Variants in RHOJ observed in about 807,000 individuals in gnomAD.
RHOJ encodes the protein ras homolog family member J, also known as rho-related GTP-binding protein RhoJ.
A neutral mutation model predicts 23.4 loss-of-function variants in RHOJ; 11 were observed. The observed-to-expected ratio is 0.47, with a 90% CI of 0.30 to 0.78. The LOEUF (loss-of-function observed/expected upper bound fraction) is 0.78. Ranked by LOEUF, RHOJ falls within the 30% of genes least tolerant of loss-of-function variation. The pLI, the probability that RHOJ is intolerant of heterozygous loss-of-function variation, is 0.08. For synonymous variants in RHOJ, 102 were observed against 102.7 expected, an observed-to-expected ratio of 0.99 and a Z score of 0.04; for missense variants, 254 against 273.4, an observed-to-expected ratio of 0.93 and a Z score of 0.50.
intron 3 of RHOJ, among the ~76,000 whole-genome samples, chr14:63,282,115 A>G (rs1881922685): frequency 6.6e-6 from 1 of 152,214 alleles, no homozygotes. Flanking sequence ...TCGTTTGTTT[A>G]AATGAAGTCT....
rs764610255 is a variant in RHOJ, at chr14:63,281,088, C to T, written c.355C>T (p.Leu119Phe). 1.9e-6 allele frequency: 3 copies of T among 1,614,082 alleles called. No homozygotes were observed. The highest frequency in any genetic ancestry group is 2.5e-6 in the Non-Finnish European group (3 of 1,179,984). ...HNVQEEWVPE[L>F]KDCMPHVPYV... ...TGTCCAGGAGGAATGGGTCCCCGAG[C>T]TCAAGGACTGCATGCCTCACGTGCC... Residue 119 changes from leucine (L) to phenylalanine (F), a missense_variant, in exon 3 of 5, where the codon CTC becomes TTC. Coordinates refer to ENST00000316754, the MANE Select transcript of RHOJ (RefSeq NM_020663.5).
chr14:63,274,191 T>G (rs1357345967), intron 2 of RHOJ, among the ~76,000 whole-genome samples: 5 of 152,212 alleles, frequency 3.3e-5, no homozygotes, highest in Admixed American at 3.3e-4. Context: ...TATTGGCTGA[T>G]CCAATGGGGC....
At chr14:63,221,828 A>T (rs966982462) in intron 1 of RHOJ, among the ~76,000 whole-genome samples, 2 of 150,184 alleles carry the variant, frequency 1.3e-5, no homozygotes, top group African/African-American at 4.9e-5. Context: ...AGAATGCAAC[A>T]TTTTTTTTTT....
At chr14:63,263,915 G>A (rs962690782) in intron 1 of RHOJ, among the ~76,000 whole-genome samples, 1 of 151,820 alleles carries the variant, frequency 6.6e-6, no homozygotes, top group Non-Finnish European at 1.5e-5. Flanking sequence ...CTCCCCCAGT[G>A]CACCCTGGGT....
intron 1 of RHOJ, among the ~76,000 whole-genome samples, chr14:63,217,907 C>A (rs1467422): frequency 1.3e-4 from 20 of 152,096 alleles, no homozygotes; most frequent in Non-Finnish European, 1.5e-5. Context: ...CTTGTCGACA[C>A]GATTACTTGC....
At chr14:63,254,339 A>G (rs376105809) in intron 1 of RHOJ, among the ~76,000 whole-genome samples, 16 of 152,202 alleles carry the variant, frequency 1.1e-4, no homozygotes, top group African/African-American at 3.4e-4. Flanking sequence ...GGAAAGCTAC[A>G]AGACTCCACA....
chr14:63,221,982 C>T (rs1204869888), intron 1 of RHOJ, among the ~76,000 whole-genome samples: 1 of 111,878 alleles, frequency 8.9e-6, no homozygotes, highest in Non-Finnish European at 1.7e-5. Flanking sequence ...CCTCCCCCCA[C>T]CCAAAAACAG....
intron 1 of RHOJ, among the ~76,000 whole-genome samples, chr14:63,219,406 A>T (rs1957784): frequency 0.034 from 5,181 of 151,680 alleles, 149 homozygotes; most frequent in African/African-American, 0.079. Context: ...TTTTCATTTC[A>T]TGGTTGTTAA....
intron 1 of RHOJ, among the ~76,000 whole-genome samples, chr14:63,221,575 T>C (rs1197215537): frequency 2.0e-5 from 3 of 152,224 alleles, no homozygotes; most frequent in African/African-American, 7.2e-5. Context: ...ACAAAACGGA[T>C]TCCCCAGTGA....
At chr14:63,275,947 C>T (rs151019403) in intron 2 of RHOJ, among the ~76,000 whole-genome samples, 84 of 152,294 alleles carry the variant, frequency 5.5e-4, no homozygotes, top group South Asian at 1.0e-3. Context: ...TAATCCTGAC[C>T]CCTTTACCAT....
intron 1 of RHOJ, among the ~76,000 whole-genome samples, chr14:63,267,549 T>C (rs1895390008): frequency 6.6e-6 from 1 of 152,206 alleles, no homozygotes; most frequent in Non-Finnish European, 1.5e-5. Context: ...GCCTAATCCA[T>C]GACAACTTAG....
intron 1 of RHOJ, among the ~76,000 whole-genome samples, chr14:63,211,050 A>G (rs1044107840): frequency 6.6e-6 from 1 of 152,230 alleles, no homozygotes; most frequent in Non-Finnish European, 1.5e-5. Flanking sequence ...GCTGATTGAG[A>G]TGTAAAAGGA....
intron 1 of RHOJ, among the ~76,000 whole-genome samples, chr14:63,210,774 G>T (rs1165827994): frequency 1.3e-5 from 2 of 152,224 alleles, no homozygotes; most frequent in Non-Finnish European, 1.5e-5. Context: ...GAGTTAGATT[G>T]TGTACATGGT....
intron 4 of RHOJ, 59 bp downstream of exon 4, chr14:63,283,275 C>A: frequency 7.2e-7 from 1 of 1,385,898 alleles, no homozygotes; most frequent in Non-Finnish European, 1.0e-6. Flanking sequence ...GTGTTGTATG[C>A]TTTGGAAATG....
At chr14:63,288,326 G>C in intron 4 of RHOJ, 1 of 985,428 alleles carries the variant, frequency 1.0e-6, no homozygotes, top group Non-Finnish European at 1.2e-6. Flanking sequence ...AGGTGTGAGT[G>C]AGCTCAGCCC....
chr14:63,225,408 A>G (rs1170851845), intron 1 of RHOJ, among the ~76,000 whole-genome samples: 1 of 152,188 alleles, frequency 6.6e-6, no homozygotes, highest in Non-Finnish European at 1.5e-5. Flanking sequence ...TCTCATCCCT[A>G]TTCCCATAAA....
At chr14:63,264,557 C>T (rs1355597917) in intron 1 of RHOJ, among the ~76,000 whole-genome samples, 1 of 152,128 alleles carries the variant, frequency 6.6e-6, no homozygotes, top group Middle Eastern at 3.2e-3. Flanking sequence ...AATGGGATTG[C>T]TAGGTCAAAT....
chr14:63,277,842 G>C (rs1282475515), intron 2 of RHOJ, among the ~76,000 whole-genome samples: 1 of 152,162 alleles, frequency 6.6e-6, no homozygotes, highest in African/African-American at 2.4e-5. Flanking sequence ...ACTCCAGAGA[G>C]AAAAGAGAGA....
intron 1 of RHOJ, among the ~76,000 whole-genome samples, chr14:63,233,405 C>T (rs1225359280): frequency 1.3e-5 from 2 of 152,080 alleles, no homozygotes; most frequent in East Asian, 1.9e-4. Context: ...TATTGAATTG[C>T]ACTTTAAATG....
Sources: gnomAD v4.1 joint callset for allele counts (sites outside exome capture counted in the v4.1 genomes callset) on GRCh38, gnomAD v4.1.1 for gene constraint, MANE v1.5 for transcripts, NCBI Gene and HGNC (gene_info 2026-07-23, HGNC 2026-07-21) for gene names.